ACKR3: variants seen among roughly 807,000 people sequenced by gnomAD.
ACKR3 encodes C-X-C chemokine receptor type 7.
In ACKR3, 6 loss-of-function variants were observed where a neutral mutation model predicts 22.4. That is an observed-to-expected ratio of 0.27 (90% CI 0.15 to 0.53). ACKR3 has a LOEUF of 0.53. ACKR3 is among the 20% of genes least tolerant of loss of function. ACKR3 has a pLI of 0.96. For missense variants in ACKR3, 396 were observed against 475.2 expected (o/e 0.83, Z 1.55); for synonymous variants, 209 against 205.2 (o/e 1.02, Z -0.16).
Position 236,581,092 on chromosome 2 carries a change from G to A in ACKR3, c.627G>A (p.Leu209=). 1.2e-6 allele frequency: 2 copies of A among 1,614,228 alleles called. No homozygotes were observed. The highest frequency in any genetic ancestry group is 2.2e-5 in the East Asian group (1 of 44,890). Residue 209 remains leucine (L), a synonymous_variant, in exon 2 of 2, where the codon CTG becomes CTA. Transcript: ENST00000272928. This position sits in a 1 kb window ranked among gnomAD's most constrained non-coding sequence, Gnocchi z 4.4. The part of the protein sequence containing the change: ...FYPEHSIKEW[L]IGMELVSVVL... ...CCGAGCACAGCATCAAGGAGTGGCT[G>A]ATCGGCATGGAGCTGGTCTCCGTTG...
At chr2:236,539,624 GGA>G in the ACKR3 span, among the ~76,000 whole-genome samples, 37 of 152,152 alleles carry the variant, frequency 2.4e-4, no homozygotes, top group Admixed American at 7.2e-4. Flanking sequence ...CCAAAGTGCT[GGA>G]ATTACAGGCA....
At position 236,581,711 on chromosome 2, in the gene ACKR3, T is replaced by C; in HGVS notation, c.*157T>C. The C allele has an allele frequency of 1.0e-6, 1 of 957,118 alleles. No homozygotes were observed. The highest frequency in any genetic ancestry group is 1.5e-6 in the Non-Finnish European group (1 of 655,472). 59.3% of individuals were successfully genotyped at this position (957,118 alleles called of 1,614,324 possible). On this transcript the variant is annotated 3_prime_UTR_variant, in exon 2 of 2. Transcript: ENST00000272928. The surrounding 1 kb of genome is among the most constrained non-coding windows in gnomAD (Gnocchi z 4.4). ...CCCCTGCATCCATTCTCTCTTTCTC[T>C]TGATGACGCAGCTGTCATTTGGCTG...
the ACKR3 span, among the ~76,000 whole-genome samples, chr2:236,547,771 C>G: frequency 0.017 from 2,570 of 152,166 alleles, 48 homozygotes; most frequent in African/African-American, 0.05. Context: ...AATCTAATTG[C>G]CTATTCTTTG....
intron 1 of ACKR3, among the ~76,000 whole-genome samples, chr2:236,573,457 A>G (rs1480885016): frequency 3.3e-5 from 5 of 152,202 alleles, no homozygotes; most frequent in African/African-American, 9.7e-5. Context: ...GCCTGGCCTC[A>G]GTTTCCAGGT....
chr2:236,570,229 C>T (rs1251841294), intron 1 of ACKR3, among the ~76,000 whole-genome samples: 1 of 152,160 alleles, frequency 6.6e-6, no homozygotes, highest in Non-Finnish European at 1.5e-5. Flanking sequence ...TATTTAAGCT[C>T]CAGTAAGCAG....
rs1691369826 is a variant in ACKR3 at position 236,574,577 on chromosome 2, G to T, written c.-27+4653G>T. On this transcript the variant is annotated intron_variant, in intron 1 of 1. Transcript: ENST00000272928. This position sits in a 1 kb window ranked among gnomAD's most constrained non-coding sequence, Gnocchi z 5.6. ...GGGAGTTTGGAGGGACACTGGCCAG[G>T]TGCCTGAACACGTGGCATTCTCTGG... Among the ~76,000 whole-genome samples, 1 of 152,096 alleles carries T rather than the reference G, an allele frequency of 6.6e-6. No individual in the cohort carries two copies. The highest frequency in any genetic ancestry group is 1.5e-5 in the Non-Finnish European group (1 of 68,028).
chr2:236,539,532 C>T, the ACKR3 span, among the ~76,000 whole-genome samples: 3 of 152,010 alleles, frequency 2.0e-5, no homozygotes, highest in South Asian at 2.1e-4. Flanking sequence ...TGGCTGGTCT[C>T]GAACTCCTAA....
rs757673393 is a variant in ACKR3, at chr2:236,580,954, C to T, written c.489C>T (p.Val163=). The T allele has an allele frequency of 1.4e-5, 22 of 1,614,044 alleles. No individual in the cohort carries two copies. The highest frequency in any genetic ancestry group is 1.3e-4 in the African/African-American group (10 of 74,924). ...GCAGGAAGAAGATGGTACGCCGTGTCGTCTGCATCCTGGTGTGGCTGCTGG... is the reference window on the plus strand; with the variant it reads ...GCAGGAAGAAGATGGTACGCCGTGTTGTCTGCATCCTGGTGTGGCTGCTGG... The part of the protein sequence containing the change: ...PSSRKKMVRR[V]VCILVWLLAF... Residue 163 remains valine, a synonymous_variant, in exon 2 of 2, where the codon GTC becomes GTT. Coordinates refer to ENST00000272928, the MANE Select transcript of ACKR3 (RefSeq NM_020311.3).
chr2:236,542,494 T>G, the ACKR3 span, among the ~76,000 whole-genome samples: 6 of 152,292 alleles, frequency 3.9e-5, no homozygotes, highest in South Asian at 1.2e-3. Flanking sequence ...CAGACTTGCC[T>G]GGGGACACTG....
chr2:236,578,924 C>T (rs1691466393), intron 1 of ACKR3, among the ~76,000 whole-genome samples: 1 of 152,230 alleles, frequency 6.6e-6, no homozygotes, highest in Admixed American at 6.5e-5. Context: ...TCTTCCTGGC[C>T]AGGGAGGGAG....
intron 1 of ACKR3, among the ~76,000 whole-genome samples, chr2:236,575,426 GTGTC>G (rs1691389146): frequency 1.3e-5 from 2 of 148,486 alleles, no homozygotes; most frequent in South Asian, 4.4e-4. Context: ...GTGTGTGTGT[GTGTC>G]TGGGGTTGTG....
chr2:236,574,319 GTAGCTGTA>G lies in ACKR3; in HGVS notation c.-27+4412_-27+4419del, dbSNP rs1183339721. 1.3e-5 allele frequency among the ~76,000 whole-genome samples: 2 copies of G among 152,162 alleles called. No individual in the cohort carries two copies. The highest frequency in any genetic ancestry group is 1.3e-4 in the Admixed American group (2 of 15,282). On this transcript the variant is annotated intron_variant, in intron 1 of 1. Transcript: ENST00000272928. The surrounding 1 kb of genome is among the most constrained non-coding windows in gnomAD (Gnocchi z 5.6). ...CATTGAGTACCTACTATGTGCAGCT[GTAGCTGTA>G]TAGCTGTATAGCTGTAGCTACACAA...
the ACKR3 span, among the ~76,000 whole-genome samples, chr2:236,555,152 ATGAGGTCTCACC>A: frequency 1.1e-3 from 166 of 152,338 alleles, no homozygotes; most frequent in Middle Eastern, 3.4e-3. Context: ...TCTGGAAATA[ATGAGGTCTCACC>A]TGACAGCCCT....
chr2:236,578,806 A>G (rs189284665), intron 1 of ACKR3, among the ~76,000 whole-genome samples: 110 of 152,228 alleles, frequency 7.2e-4, no homozygotes, highest in Non-Finnish European at 1.1e-3. Flanking sequence ...GGCATTTACT[A>G]CTCAGCCAGT....
the ACKR3 span, among the ~76,000 whole-genome samples, chr2:236,554,192 G>T: frequency 6.6e-6 from 1 of 152,186 alleles, no homozygotes; most frequent in Non-Finnish European, 1.5e-5. Context: ...CCTTAACTTC[G>T]AGGGGTTATT....
rs1691544948 is a variant in ACKR3 at position 236,581,749 on chromosome 2, G to A, written c.*195G>A. The A allele has an allele frequency of 1.4e-6, 1 of 699,612 alleles. No individual in the cohort carries two copies. The highest frequency in any genetic ancestry group is 2.9e-5 in the East Asian group (1 of 34,484). The allele number at this position is 699,612 out of a possible 1,614,324, so 43.3% of individuals were successfully genotyped here. A position where few individuals can be genotyped will look rare whatever the true frequency, so the allele number is the denominator to read the frequency against. ...TGTCATTTGGCTGTGCGTGCTGACA[G>A]TTTTGCAACAGGCAGAGCTGTGTCG... On this transcript the variant is annotated 3_prime_UTR_variant, in exon 2 of 2. Transcript: ENST00000272928. This position sits in a 1 kb window ranked among gnomAD's most constrained non-coding sequence, Gnocchi z 4.4.
the ACKR3 span, among the ~76,000 whole-genome samples, chr2:236,554,713 C>T: frequency 1.6e-4 from 25 of 152,306 alleles, 1 homozygote; most frequent in East Asian, 4.1e-3. Context: ...GAGAACTGGG[C>T]ACCAGAGCAG....
At chr2:236,570,042 G>A (rs1559470819) in intron 1 of ACKR3, 118 bp downstream of exon 1, 2 of 152,346 alleles carry the variant, frequency 1.3e-5, no homozygotes, top group South Asian at 2.1e-4. Flanking sequence ...GTGCTTTTGA[G>A]TCTGCGGGTC....
the ACKR3 span, among the ~76,000 whole-genome samples, chr2:236,544,707 C>A: frequency 1.3e-5 from 2 of 152,080 alleles, no homozygotes; most frequent in Non-Finnish European, 2.9e-5. This position sits in a 1 kb window ranked among gnomAD's most constrained non-coding sequence, Gnocchi z 5.0. Context: ...GTCTTGTAAC[C>A]GAGCTGAGGG....
Sources: allele counts gnomAD v4.1 joint callset (sites outside exome capture counted in the v4.1 genomes callset), GRCh38; gene constraint gnomAD v4.1.1; non-coding constraint Gnocchi (gnomAD v3.1); transcripts MANE v1.5; gene names NCBI Gene and HGNC (gene_info 2026-07-23, HGNC 2026-07-21).